The following CTDP1 variants were observed in gnomAD, a reference collection of about 807,000 sequenced individuals.
CTDP1 encodes CTD phosphatase 1, also known as RNA polymerase II subunit A C-terminal domain phosphatase.
In CTDP1, 47 loss-of-function variants were observed where a neutral mutation model predicts 91.8. The observed-to-expected ratio is 0.51, with a 90% CI of 0.41 to 0.65. The LOEUF is 0.65. CTDP1 is among the 30% of genes least tolerant of loss of function. CTDP1 has a pLI of 0.00. For synonymous variants in CTDP1, 656 were observed against 598.5 expected (o/e 1.10, Z -1.40); for missense variants, 1,272 against 1,373.7 (o/e 0.93, Z 1.17).
intron 12 of CTDP1, among the ~76,000 whole-genome samples, chr18:79,746,350 A>ACCCTGCGTCCCTCCCGTGCGCGTTCTGT (rs2086881576): frequency 2.0e-4 from 5 of 25,026 alleles, no homozygotes; most frequent in Admixed American, 4.3e-4. Flanking sequence ...GCGCGTTCTG[A>ACCCTGCGTCCCTCCCGTGCGCGTTCTGT]CCCTGCGTCC....
Position 79,753,584 on chromosome 18 carries a change from A to AGACCAGGCGGT in CTDP1, c.2748-63_2748-53dup, listed in dbSNP as rs929787149. 5.1e-5 allele frequency: 83 copies of AGACCAGGCGGT among 1,612,890 alleles called. 1 individual carries two copies. Among genetic ancestry groups the AGACCAGGCGGT allele is most frequent in the Admixed American group, 3.3e-4 (20 of 59,930 alleles). On this transcript the variant is annotated intron_variant, in intron 12 of 12. Coordinates refer to ENST00000613122, the MANE Select transcript of CTDP1 (RefSeq NM_004715.5). ...ACCACGGAAGCCACTTCCCAAATGC[A>AGACCAGGCGGT]GACCAGGCGGTGACCCGGCGTTGTG...
At chr18:79,743,009 T>C (rs2086809440) in intron 12 of CTDP1, among the ~76,000 whole-genome samples, 1 of 152,166 alleles carries the variant, frequency 6.6e-6, no homozygotes, top group Non-Finnish European at 1.5e-5. Flanking sequence ...GCCCATACCA[T>C]GTGGAGATGT....
At chr18:79,707,209 C>T (rs547791549) in intron 5 of CTDP1, among the ~76,000 whole-genome samples, 1 of 152,304 alleles carries the variant, frequency 6.6e-6, no homozygotes, top group Admixed American at 6.5e-5. Flanking sequence ...CCCTTGCCAC[C>T]CGTCACACCA....
chr18:79,692,065 G>A (rs1329805808), intron 1 of CTDP1, among the ~76,000 whole-genome samples: 1 of 31,050 alleles, frequency 3.2e-5, no homozygotes, highest in Non-Finnish European at 6.7e-5. Context: ...GGGTGGACTC[G>A]GGGTGGGGAG....
chr18:79,692,909 TG>T (rs1440604318), intron 1 of CTDP1, among the ~76,000 whole-genome samples: 5 of 152,226 alleles, frequency 3.3e-5, no homozygotes, highest in African/African-American at 1.2e-4. Context: ...GGCTCCCAAG[TG>T]GGGTTGCTGC....
chr18:79,742,661 ACT>A (rs1261691550), intron 12 of CTDP1, among the ~76,000 whole-genome samples: 1 of 152,166 alleles, frequency 6.6e-6, no homozygotes, highest in African/African-American at 2.4e-5. Context: ...ATAGTATAAG[ACT>A]CTATGCCTGG....
Position 79,739,287 on chromosome 18 carries a change from C to T in CTDP1, c.2747+2766C>T, listed in dbSNP as rs148776395. 5.1e-3 allele frequency among the ~76,000 whole-genome samples: 773 copies of T among 152,298 alleles called. 9 individuals carry two copies. Among genetic ancestry groups the T allele is most frequent in the African/African-American group, 0.018 (735 of 41,560 alleles). On this transcript the variant is annotated intron_variant, in intron 12 of 12. Coordinates refer to ENST00000613122, the MANE Select transcript of CTDP1 (RefSeq NM_004715.5). ...GCGGCCAGCCACGTCATCCAGGATA[C>T]GTGCTGCATCCGTGTCTCCCCCTGT...
intron 12 of CTDP1, among the ~76,000 whole-genome samples, chr18:79,750,668 CT>C (rs749153854): frequency 0.17 from 16,081 of 94,234 alleles, 1,168 homozygotes; most frequent in Non-Finnish European, 0.22. Context: ...TAATTTTTTG[CT>C]TTTTTTTTTT....
intron 11 of CTDP1, among the ~76,000 whole-genome samples, chr18:79,731,633 C>T (rs557680012): frequency 2.6e-5 from 4 of 152,350 alleles, no homozygotes; most frequent in South Asian, 2.1e-4. Flanking sequence ...CTGACCTCCA[C>T]GTCCAGAACA....
intron 1 of CTDP1, among the ~76,000 whole-genome samples, chr18:79,680,594 G>T (rs2085343013): frequency 1.3e-5 from 2 of 152,262 alleles, no homozygotes; most frequent in Admixed American, 1.3e-4. Context: ...CTCATGGGTG[G>T]CTGTGAGCAC....
chr18:79,693,688 G>A (rs1722887521), intron 1 of CTDP1, among the ~76,000 whole-genome samples: 1 of 152,126 alleles, frequency 6.6e-6, no homozygotes, highest in African/African-American at 2.4e-5. Flanking sequence ...CATCCCCGAG[G>A]GCTCGGAGCC....
intron 12 of CTDP1, among the ~76,000 whole-genome samples, chr18:79,746,974 G>A (rs1164130971): frequency 1.3e-5 from 2 of 152,176 alleles, no homozygotes; most frequent in African/African-American, 2.4e-5. Flanking sequence ...GGTGCACAGG[G>A]CTAAAGGCTC....
At chr18:79,690,512 GT>G (rs2085598548) in intron 1 of CTDP1, among the ~76,000 whole-genome samples, 1 of 152,242 alleles carries the variant, frequency 6.6e-6, no homozygotes, top group African/African-American at 2.4e-5. Context: ...CCTTTTTAAG[GT>G]GTGGAGACGT....
intron 4 of CTDP1, among the ~76,000 whole-genome samples, chr18:79,702,212 C>G (rs1335976275): frequency 6.6e-6 from 1 of 152,108 alleles, no homozygotes; most frequent in Non-Finnish European, 1.5e-5. Context: ...CATCTTATTT[C>G]AAGAAATCAT....
Position 79,714,778 on chromosome 18 carries a change from C to T in CTDP1, c.1318C>T (p.Arg440Trp), listed in dbSNP as rs765997749. 3.7e-6 allele frequency: 6 copies of T among 1,602,980 alleles called. No homozygotes were observed. The highest frequency in any genetic ancestry group is 3.3e-4 in the Middle Eastern group (2 of 6,050). Residue 440 changes from arginine (R) to tryptophan (W), a missense_variant, in exon 8 of 13, where the codon CGG (arginine) becomes TGG (tryptophan). Physicochemically the swap from Arg to Trp is moderately radical, Grantham distance 101. Transcript: ENST00000613122. Reference sequence around the variant, plus strand: ...GGGTGGCCGGGTGGCACCGGGACAGCGGCCTGCCCAGGGTGCCACGGGCAC... The same window carrying T: ...GGGTGGCCGGGTGGCACCGGGACAGTGGCCTGCCCAGGGTGCCACGGGCAC... The part of the protein sequence containing the change: ...AQGGRVAPGQ[R>W]PAQGATGTDL...
chr18:79,688,598 C>G (rs994921386), intron 1 of CTDP1, among the ~76,000 whole-genome samples: 1 of 152,020 alleles, frequency 6.6e-6, no homozygotes, highest in African/African-American at 2.4e-5. Flanking sequence ...CAGGGTTTTA[C>G]CATGTTGGCC....
intron 2 of CTDP1, 53 bp from the exon 3 acceptor site, chr18:79,695,924 A>C (rs2085736860): frequency 7.1e-7 from 1 of 1,407,522 alleles, no homozygotes; most frequent in Non-Finnish European, 1.0e-6. Flanking sequence ...CCCAGTGTGC[A>C]TCTGTGCGCA....
At chr18:79,692,419 A>G (rs547330848) in intron 1 of CTDP1, among the ~76,000 whole-genome samples, 2 of 152,272 alleles carry the variant, frequency 1.3e-5, no homozygotes, top group South Asian at 4.1e-4. Context: ...GTTCTCTGTT[A>G]TTTTTGAAAA....
intron 11 of CTDP1, among the ~76,000 whole-genome samples, chr18:79,732,045 CAT>C (rs970342610): frequency 6.0e-5 from 9 of 150,192 alleles, no homozygotes; most frequent in East Asian, 2.0e-4. Context: ...CCCAAAATCA[CAT>C]AGACATGAGA....
Sources: gnomAD v4.1 joint callset for allele counts (sites outside exome capture counted in the v4.1 genomes callset) on GRCh38, gnomAD v4.1.1 for gene constraint, MANE v1.5 for transcripts, NCBI Gene and HGNC (gene_info 2026-07-23, HGNC 2026-07-21) for gene names.